Variants in BBS7 observed in about 807,000 individuals in gnomAD.
The protein encoded by BBS7 is BBSome complex member BBS7.
A neutral mutation model predicts 90.3 loss-of-function variants in BBS7; 50 were observed. The observed-to-expected ratio is 0.55, with a 90% confidence interval of 0.44 to 0.70. The LOEUF is 0.70. Ranked by LOEUF, BBS7 falls within the 30% of genes least tolerant of loss-of-function variation. The pLI is 0.00. For synonymous variants in BBS7, 235 were observed against 287.4 expected, an observed-to-expected ratio of 0.82 and a Z score of 1.85; for missense variants, 729 against 838.9, an observed-to-expected ratio of 0.87 and a Z score of 1.62.
chr4:121,844,614 G>T (rs1008793912), intron 11 of BBS7, among the ~76,000 whole-genome samples: 12 of 151,528 alleles, frequency 7.9e-5, no homozygotes, highest in Non-Finnish European at 1.5e-4. Flanking sequence ...CTCATTTTGT[G>T]ATTGGTTTAC....
At position 121,854,103 on chromosome 4, in the gene BBS7, CCCT is replaced by C. The variant is rs1726470632; in HGVS notation, c.718+598_718+600del. 2.0e-5 allele frequency among the ~76,000 whole-genome samples: 3 copies of C among 152,268 alleles called. No individual in the cohort carries two copies. The South Asian group carries it at 6.2e-4, about 32-fold the overall frequency. On this transcript the variant is annotated intron_variant, in intron 7 of 18. Transcript: ENST00000264499. ...CTTTGACTACGTGGTCTAAAAGTGA[CCCT>C]CCTCCTTCTACCATCACTCTCTAAT...
intron 1 of BBS7, among the ~76,000 whole-genome samples, chr4:121,868,631 T>C (rs1727410358): frequency 8.0e-6 from 1 of 124,628 alleles, no homozygotes; most frequent in Admixed American, 1.1e-4. Context: ...TGGTGAGTCA[T>C]GATCATGCCA....
At chr4:121,826,126 A>C in intron 18 of BBS7, 133 bp from the exon 19 acceptor site, 1 of 733,422 alleles carries the variant, frequency 1.4e-6, no homozygotes. Flanking sequence ...ACAAACCTAA[A>C]AGCCATGTTT....
At chr4:121,832,771 T>C (rs564589839) in intron 15 of BBS7, among the ~76,000 whole-genome samples, 9 of 152,242 alleles carry the variant, frequency 5.9e-5, no homozygotes, top group Admixed American at 6.5e-5. Flanking sequence ...AGGATAAATA[T>C]TCAAATCAAT....
chr4:121,855,858 ATG>A (rs1726610004), intron 5 of BBS7, among the ~76,000 whole-genome samples: 1 of 144,432 alleles, frequency 6.9e-6, no homozygotes, highest in African/African-American at 2.7e-5. Context: ...ATGCACATGT[ATG>A]TGTATATATG....
At chr4:121,841,447 C>G (rs1315723979) in intron 12 of BBS7, among the ~76,000 whole-genome samples, 1 of 152,102 alleles carries the variant, frequency 6.6e-6, no homozygotes, top group Non-Finnish European at 1.5e-5. Context: ...TGCCTATGGT[C>G]CTACGTACTC....
intron 15 of BBS7, among the ~76,000 whole-genome samples, chr4:121,832,725 G>A (rs1725260542): frequency 1.3e-5 from 2 of 152,122 alleles, no homozygotes; most frequent in African/African-American, 4.8e-5. Flanking sequence ...TTATATTTGT[G>A]CATAAAGAAA....
chr4:121,859,261 A>C lies in BBS7; in HGVS notation c.342-83T>G, dbSNP rs577487507. 3 of 1,178,174 alleles carry C rather than the reference A, an allele frequency of 2.5e-6. No individual in the cohort carries two copies. In the African/African-American group the frequency reaches 4.6e-5, roughly 18 times the overall value. 73.0% of individuals were successfully genotyped at this position (1,178,174 alleles called of 1,614,324 possible). On this transcript the variant is annotated intron_variant, in intron 4 of 18. Transcript: ENST00000264499. ...GAGATAAAAACAGAAAAATGTATACAGTTTACTAACATTTTATTATAGACT... is the reference window on the plus strand; with the variant it reads ...GAGATAAAAACAGAAAAATGTATACCGTTTACTAACATTTTATTATAGACT...
At chr4:121,854,574 G>A (rs1726497834) in intron 7 of BBS7, 130 bp downstream of exon 7, 5 of 837,690 alleles carry the variant, frequency 6.0e-6, no homozygotes, top group Non-Finnish European at 8.5e-6. Context: ...TAAACAAATA[G>A]TAGATAAATC....
intron 5 of BBS7, among the ~76,000 whole-genome samples, chr4:121,857,626 T>A (rs1156628459): frequency 6.6e-6 from 1 of 152,116 alleles, no homozygotes; most frequent in East Asian, 1.9e-4. Flanking sequence ...CTTTAGTAAT[T>A]ATTTTAAAAA....
intron 14 of BBS7, among the ~76,000 whole-genome samples, chr4:121,834,094 T>TA (rs1382684642): frequency 1.3e-5 from 2 of 152,020 alleles, no homozygotes; most frequent in Non-Finnish European, 2.9e-5. Context: ...AAAGTAACAT[T>TA]AAAAAAACTG....
At position 121,847,533 on chromosome 4, in the gene BBS7, C is replaced by T. The variant is rs188907342; in HGVS notation, c.935-27G>A. 2.2e-5 allele frequency: 32 copies of T among 1,430,916 alleles called. No individual in the cohort carries two copies. In the Admixed American group the frequency reaches 2.8e-4, roughly 13 times the overall value. 88.6% of individuals were successfully genotyped at this position (1,430,916 alleles called of 1,614,324 possible). A position where few individuals can be genotyped will look rare whatever the true frequency, so the allele number is the denominator to read the frequency against. ...TGTAGAGATGAATTACAATCACGCA[C>T]CACTTAGTACTGCTAGTGTTAAAAA... is the stretch of plus-strand genomic sequence containing the variant. On this transcript the variant is annotated intron_variant, in intron 9 of 18. Coordinates refer to ENST00000264499, the MANE Select transcript of BBS7 (RefSeq NM_176824.3).
chr4:121,846,275 C>G (rs1479789634), intron 10 of BBS7, among the ~76,000 whole-genome samples: 1 of 152,098 alleles, frequency 6.6e-6, no homozygotes, highest in Non-Finnish European at 1.5e-5. Flanking sequence ...TTGCTTAGAG[C>G]TCCAGTTAAG....
rs754525119 is a variant in BBS7 at position 121,835,305 on chromosome 4, A to C, written c.1372-22T>G. 4 of 1,612,942 alleles carry C rather than the reference A, an allele frequency of 2.5e-6. No individual in the cohort carries two copies. In the African/African-American group the frequency reaches 5.3e-5, roughly 22 times the overall value. The stretch of plus-strand genomic sequence containing the variant: ...GAATCTGATTCAACACAAAAGAGGA[A>C]ATAAAATAAGAATATTTAGCAACAA... On this transcript the variant is annotated intron_variant, in intron 13 of 18. Transcript: ENST00000264499.
Position 121,844,015 on chromosome 4 carries a change from T to TAA in BBS7, c.1231-16_1231-15dup. On this transcript the variant is annotated splice_polypyrimidine_tract_variant and intron_variant, in intron 11 of 18. Transcript: ENST00000264499. The stretch of plus-strand genomic sequence containing the variant: ...TGGAACATCACTCTATAGTCAATAT[T>TAA]AAAAAAAAAGAAGGTTGAGATGGAA... 1 of 1,519,010 alleles carries TAA rather than the reference T, an allele frequency of 6.6e-7. No homozygotes were observed. Among genetic ancestry groups the TAA allele is most frequent in the Non-Finnish European group, 9.0e-7 (1 of 1,110,974 alleles). 94.1% of individuals were successfully genotyped at this position (1,519,010 alleles called of 1,614,324 possible).
chr4:121,847,602 C>A, intron 9 of BBS7, 96 bp from the exon 10 acceptor site: 2 of 840,156 alleles, frequency 2.4e-6, no homozygotes, highest in Non-Finnish European at 4.1e-6. Context: ...TGTACATGCC[C>A]CTTTGTCCAC....
intron 11 of BBS7, among the ~76,000 whole-genome samples, chr4:121,845,271 G>A (rs891416366): frequency 6.6e-6 from 1 of 152,050 alleles, no homozygotes; most frequent in Non-Finnish European, 1.5e-5. Flanking sequence ...GGGAGGCTGA[G>A]GCAGGAGAAT....
In BBS7 at chr4:121,854,830, A is replaced by G. The variant is rs762717935; in HGVS notation, c.602-10T>C. The G allele has an allele frequency of 3.1e-6, 5 of 1,607,844 alleles. No homozygotes were observed. The highest frequency in any genetic ancestry group is 4.3e-6 in the Non-Finnish European group (5 of 1,175,210). ...TCTTCTCCAGAGTCACCTACTTATA[A>G]TTAAAGTCAACATATTATATTTATC... On this transcript the variant is annotated splice_polypyrimidine_tract_variant and intron_variant, in intron 6 of 18. Coordinates refer to ENST00000264499, the MANE Select transcript of BBS7 (RefSeq NM_176824.3).
At chr4:121,849,230 T>C (rs1376867119) in intron 8 of BBS7, among the ~76,000 whole-genome samples, 1 of 152,180 alleles carries the variant, frequency 6.6e-6, no homozygotes. Flanking sequence ...AGACAAAGTC[T>C]CCCTCCGTCA....
Sources: allele counts gnomAD v4.1 joint callset (sites outside exome capture counted in the v4.1 genomes callset), GRCh38; gene constraint gnomAD v4.1.1; transcripts MANE v1.5; gene names NCBI Gene and HGNC (gene_info 2026-07-23, HGNC 2026-07-21).